The following RNF180 variants were observed in gnomAD, a reference collection of about 807,000 sequenced individuals.
RNF180 encodes the protein E3 ubiquitin-protein ligase RNF180.
A neutral mutation model predicts 59.2 loss-of-function variants in RNF180; 38 were observed. The ratio of observed to expected loss-of-function variants is 0.64; its 90% CI spans 0.50 to 0.84. The LOEUF is 0.84. Ranked by LOEUF, RNF180 falls within the 40% of genes least tolerant of loss-of-function variation. The pLI, the probability that RNF180 is intolerant of heterozygous loss-of-function variation, is 0.00. For missense variants in RNF180, 705 were observed against 700.9 expected (o/e 1.01, Z -0.07); for synonymous variants, 262 against 240.3 (o/e 1.09, Z -0.84).
chr5:64,345,893 A>G (rs1299238239), intron 7 of RNF180, among the ~76,000 whole-genome samples: 1 of 152,154 alleles, frequency 6.6e-6, no homozygotes, highest in Non-Finnish European at 1.5e-5. Context: ...CTGATTTTTT[A>G]TGTGTGTGAA....
At chr5:64,286,503 A>T (rs1359883081) in intron 5 of RNF180, among the ~76,000 whole-genome samples, 1 of 152,224 alleles carries the variant, frequency 6.6e-6, no homozygotes, top group Admixed American at 6.5e-5. Flanking sequence ...AACAATTATG[A>T]AGTATTATAA....
chr5:64,264,378 C>T (rs1270443835), intron 5 of RNF180, among the ~76,000 whole-genome samples: 2 of 152,114 alleles, frequency 1.3e-5, no homozygotes, highest in African/African-American at 2.4e-5. Flanking sequence ...CTATCCCTCC[C>T]CTTGCCTCCC....
chr5:64,369,604 A>T lies in RNF180; in HGVS notation c.1580-11A>T. ...ATTTAATGGGCTTTAATATGTTCAT[A>T]CATCTTCTAGGTTTCCGCAGACATG... is the stretch of plus-strand genomic sequence containing the variant. On this transcript the variant is annotated splice_polypyrimidine_tract_variant and intron_variant, in intron 7 of 7. Coordinates refer to ENST00000389100, the MANE Select transcript of RNF180 (RefSeq NM_001113561.2). 1 of 1,488,878 alleles carries T rather than the reference A, an allele frequency of 6.7e-7. No homozygotes were observed. Among genetic ancestry groups the T allele is most frequent in the South Asian group, 1.4e-5 (1 of 72,220 alleles). The allele number at this position is 1,488,878 out of a possible 1,614,324, so 92.2% of individuals were successfully genotyped here. A position where few individuals can be genotyped will look rare whatever the true frequency, so the allele number is the denominator to read the frequency against.
chr5:64,167,069 C>G (rs1749683319), intron 1 of RNF180, among the ~76,000 whole-genome samples: 1 of 152,142 alleles, frequency 6.6e-6, no homozygotes, highest in South Asian at 2.1e-4. Context: ...AAGTAAAATT[C>G]CGTTGTCTTT....
Position 64,213,644 on chromosome 5 carries a change from C to T in RNF180, c.318C>T (p.Ser106=), listed in dbSNP as rs375073151. 2.5e-6 allele frequency: 4 copies of T among 1,614,044 alleles called. No individual in the cohort carries two copies. The highest frequency in any genetic ancestry group is 3.4e-6 in the Non-Finnish European group (4 of 1,180,016). The change falls in exon 4 of 8, where the codon TCC becomes TCT. Residue 106 remains serine, a synonymous_variant. Coordinates refer to ENST00000389100, the MANE Select transcript of RNF180 (RefSeq NM_001113561.2). ...ATTTTGTCAGCACTCCAAAATGTTC[C>T]TGTGGCCAGCTTGCAGCTGTACATC... ...GFNFVSTPKC[S]CGQLAAVHLS...
chr5:64,257,894 C>G (rs1744078576), intron 5 of RNF180, among the ~76,000 whole-genome samples: 1 of 152,130 alleles, frequency 6.6e-6, no homozygotes, highest in South Asian at 2.1e-4. Context: ...TTCTGTGTGT[C>G]AGATACTCTT....
At position 64,322,571 on chromosome 5, in the gene RNF180, G is replaced by GTA. The variant is rs376743940; in HGVS notation, c.1228-2602_1228-2601dup. Among the ~76,000 whole-genome samples the GTA allele has an allele frequency of 3.1e-3, 449 of 145,996 alleles. 3 individuals are homozygous for GTA. The highest frequency in any genetic ancestry group is 6.6e-3 in the African/African-American group (266 of 40,076). ...TATATGTGTGTATATATGTATACAC[G>GTA]TATATATATATATAACGGAATATAT... is the stretch of plus-strand genomic sequence containing the variant. On this transcript the variant is annotated intron_variant, in intron 5 of 7. Coordinates refer to ENST00000389100, the MANE Select transcript of RNF180 (RefSeq NM_001113561.2).
chr5:64,238,685 A>G (rs368287255), intron 5 of RNF180, among the ~76,000 whole-genome samples: 1 of 152,056 alleles, frequency 6.6e-6, no homozygotes, highest in East Asian at 1.9e-4. Context: ...AAATTGGGTT[A>G]TTTTTTACTA....
At chr5:64,248,476 C>T (rs1743336308) in intron 5 of RNF180, among the ~76,000 whole-genome samples, 2 of 152,070 alleles carry the variant, frequency 1.3e-5, no homozygotes, top group African/African-American at 4.8e-5. Flanking sequence ...AAGAAGACAA[C>T]AAATGTGCAG....
intron 5 of RNF180, among the ~76,000 whole-genome samples, chr5:64,272,294 C>G (rs527646715): frequency 2.0e-5 from 3 of 152,068 alleles, no homozygotes; most frequent in Admixed American, 1.3e-4. Flanking sequence ...TGGCCAAGAT[C>G]TAGTAAATGA....
chr5:64,287,100 A>T (rs1242009092), intron 5 of RNF180, among the ~76,000 whole-genome samples: 1 of 152,038 alleles, frequency 6.6e-6, no homozygotes, highest in African/African-American at 2.4e-5. Flanking sequence ...CCGAGTAGCT[A>T]GAATTACAGG....
chr5:64,285,713 G>C (rs777361331), intron 5 of RNF180, among the ~76,000 whole-genome samples: 1 of 151,958 alleles, frequency 6.6e-6, no homozygotes, highest in African/African-American at 2.4e-5. Context: ...GCTCAGATTG[G>C]ACTATCTCTG....
chr5:64,341,449 A>G (rs2112563810), intron 7 of RNF180, among the ~76,000 whole-genome samples: 1 of 152,360 alleles, frequency 6.6e-6, no homozygotes, highest in African/African-American at 2.4e-5. Context: ...GTGTCATTTA[A>G]TTAAAAGAAA....
intron 1 of RNF180, among the ~76,000 whole-genome samples, chr5:64,167,867 G>A (rs191156023): frequency 6.6e-6 from 1 of 152,280 alleles, no homozygotes; most frequent in East Asian, 1.9e-4. Flanking sequence ...ATGGTGATGT[G>A]TCCTTTCCTT....
chr5:64,347,626 T>G (rs1745606346), intron 7 of RNF180, among the ~76,000 whole-genome samples: 1 of 152,148 alleles, frequency 6.6e-6, no homozygotes, highest in South Asian at 2.1e-4. Flanking sequence ...CAGATTAATA[T>G]TAAATGAGAT....
At chr5:64,216,024 A>G (rs1027679345) in intron 4 of RNF180, among the ~76,000 whole-genome samples, 49 of 151,974 alleles carry the variant, frequency 3.2e-4, no homozygotes, top group African/African-American at 1.2e-3. Flanking sequence ...ATTTGTATTC[A>G]TTCACATACA....
chr5:64,269,053 C>T (rs1476972661), intron 5 of RNF180, among the ~76,000 whole-genome samples: 1 of 152,118 alleles, frequency 6.6e-6, no homozygotes, highest in African/African-American at 2.4e-5. Flanking sequence ...CCTTACCTCT[C>T]TTATATTCTT....
rs182293258 is a variant in RNF180 at position 64,224,673 on chromosome 5, G to A, written c.1227+7277G>A. Among the ~76,000 whole-genome samples the A allele has an allele frequency of 3.3e-5, 5 of 152,296 alleles. No individual in the cohort carries two copies. The South Asian group carries it at 8.3e-4, about 25-fold the overall frequency. ...AGCACTGACGTCCTCAGGCACTGGG[G>A]GGAAATGTCAGTTGGGAGGTAGGAG... On this transcript the variant is annotated intron_variant, in intron 5 of 7. Transcript: ENST00000389100.
At position 64,212,155 on chromosome 5, in the gene RNF180, C is replaced by T; in HGVS notation, c.226C>T (p.Gln76Ter). The T allele has an allele frequency of 6.4e-7, 1 of 1,553,610 alleles. No homozygotes were observed. The highest frequency in any genetic ancestry group is 8.9e-7 in the Non-Finnish European group (1 of 1,125,730). The change falls in exon 3 of 8, where the codon CAA (glutamine) becomes TAA (stop). Residue 76 changes from glutamine to a stop codon, truncating the protein, a stop_gained. Transcript: ENST00000389100. LOFTEE classifies it high-confidence loss of function. The part of the protein sequence containing the change: ...ALPEWISCLI[Q>*]KAQWTVGKLN... The stretch of plus-strand genomic sequence containing the variant: ...TCCAGAATGGATAAGCTGCCTAATC[C>T]AAAAAGTAAGTTCTTAGTTTCTGAG...
Sources: gnomAD v4.1 joint callset for allele counts (sites outside exome capture counted in the v4.1 genomes callset) on GRCh38, gnomAD v4.1.1 for gene constraint, MANE v1.5 for transcripts, NCBI Gene and HGNC (gene_info 2026-07-23, HGNC 2026-07-21) for gene names.